HEPHL1: variants seen among roughly 807,000 people sequenced by gnomAD.
HEPHL1 encodes the protein hephaestin like 1, also known as ferroxidase HEPHL1.
A neutral mutation model predicts 122.0 loss-of-function variants in HEPHL1; 123 were observed. That is an observed-to-expected ratio of 1.01 (90% CI 0.87 to 1.17). The LOEUF is 1.17. HEPHL1 is among the 50% of genes most tolerant of loss of function. The pLI, the probability that HEPHL1 is intolerant of heterozygous loss-of-function variation, is 0.00. For missense variants in HEPHL1, 1,452 were observed against 1,430.5 expected, an observed-to-expected ratio of 1.01 and a Z score of -0.24; for synonymous variants, 527 against 508.9, an observed-to-expected ratio of 1.04 and a Z score of -0.48.
At chr11:94,060,407 C>T (rs1014798650) in intron 2 of HEPHL1, among the ~76,000 whole-genome samples, 2 of 151,708 alleles carry the variant, frequency 1.3e-5, no homozygotes, top group African/African-American at 2.4e-5. Context: ...AACTTAGGCA[C>T]ATGTTATAAA....
intron 1 of HEPHL1, among the ~76,000 whole-genome samples, chr11:94,044,349 T>C (rs537540642): frequency 1.3e-5 from 2 of 152,284 alleles, no homozygotes; most frequent in East Asian, 1.9e-4. Flanking sequence ...CTCATAACAG[T>C]GTCTCTGCCC....
At chr11:94,101,958 T>G (rs1018367524) in intron 14 of HEPHL1, among the ~76,000 whole-genome samples, 1 of 152,244 alleles carries the variant, frequency 6.6e-6, no homozygotes, top group Non-Finnish European at 1.5e-5. Context: ...AGTGAGAGTC[T>G]ACATTCACAT....
At chr11:94,078,230 T>C (rs1402528572) in intron 9 of HEPHL1, among the ~76,000 whole-genome samples, 1 of 152,038 alleles carries the variant, frequency 6.6e-6, no homozygotes. Flanking sequence ...TCTTAAACAT[T>C]GTGTGGCCTG....
At chr11:94,089,047 C>A in intron 12 of HEPHL1, 79 bp downstream of exon 12, 4 of 1,278,992 alleles carry the variant, frequency 3.1e-6, no homozygotes, top group South Asian at 1.2e-5. Flanking sequence ...TGGCTCCCTG[C>A]AAATTCCCAG....
intron 4 of HEPHL1, among the ~76,000 whole-genome samples, chr11:94,067,130 G>A (rs2134429576): frequency 6.6e-6 from 1 of 152,252 alleles, no homozygotes; most frequent in South Asian, 2.1e-4. Context: ...CACAGAATCT[G>A]GTGAAGACAG....
At chr11:94,057,135 C>G (rs1235249250) in intron 2 of HEPHL1, among the ~76,000 whole-genome samples, 1 of 152,108 alleles carries the variant, frequency 6.6e-6, no homozygotes, top group Non-Finnish European at 1.5e-5. Context: ...TATTGATGCT[C>G]CCTTGTACGT....
chr11:94,038,194 A>G (rs1449396632), intron 1 of HEPHL1, among the ~76,000 whole-genome samples: 2 of 151,092 alleles, frequency 1.3e-5, no homozygotes, highest in East Asian at 1.9e-4. Context: ...GAAATGAGCA[A>G]AGCCTCCAAG....
chr11:94,088,974 A>G lies in HEPHL1; in HGVS notation c.2294+6A>G, dbSNP rs1295080186. On this transcript the variant is annotated splice_donor_region_variant and intron_variant, in intron 12 of 19. Coordinates refer to ENST00000315765, the MANE Select transcript of HEPHL1 (RefSeq NM_001098672.2). ...GTGGACGCAAGAGGGGAAAGGTACCACAGGCGCCGCCGCTAGGGCTCCTCG... is the reference window on the plus strand; with the variant it reads ...GTGGACGCAAGAGGGGAAAGGTACCGCAGGCGCCGCCGCTAGGGCTCCTCG... 1.9e-6 allele frequency: 3 copies of G among 1,613,702 alleles called. No homozygotes were observed. The highest frequency in any genetic ancestry group is 2.5e-6 in the Non-Finnish European group (3 of 1,179,634).
chr11:94,111,491 C>A (rs1402658380), intron 18 of HEPHL1, 46 bp from the exon 19 acceptor site: 2 of 1,407,772 alleles, frequency 1.4e-6, no homozygotes, highest in African/African-American at 2.9e-5. Context: ...TGAAAAGAAT[C>A]CCCTTCTGTT....
chr11:94,106,660 A>G (rs1946411966), intron 17 of HEPHL1, among the ~76,000 whole-genome samples: 4 of 152,152 alleles, frequency 2.6e-5, no homozygotes, highest in African/African-American at 7.2e-5. Flanking sequence ...GCCTCAGGTG[A>G]GAGTTTTCTC....
chr11:94,099,865 C>T (rs772784428), intron 13 of HEPHL1, among the ~76,000 whole-genome samples: 8 of 152,178 alleles, frequency 5.3e-5, no homozygotes, highest in South Asian at 2.1e-4. Context: ...ATTGGAAAAG[C>T]GCAGTATTAG....
intron 2 of HEPHL1, among the ~76,000 whole-genome samples, chr11:94,051,400 C>A (rs1290228303): frequency 6.6e-6 from 1 of 152,028 alleles, no homozygotes; most frequent in East Asian, 1.9e-4. Context: ...TCTCTGATGA[C>A]CAATAATGTT....
chr11:94,023,876 T>C (rs1945602605), intron 1 of HEPHL1, among the ~76,000 whole-genome samples: 1 of 152,152 alleles, frequency 6.6e-6, no homozygotes, highest in Admixed American at 6.5e-5. Context: ...GTAGTTGTGG[T>C]AGGTGGCTCA....
chr11:94,072,094 T>G (rs1451952327), intron 6 of HEPHL1, among the ~76,000 whole-genome samples: 1 of 152,166 alleles, frequency 6.6e-6, no homozygotes, highest in African/African-American at 2.4e-5. Flanking sequence ...TGGAGATTAA[T>G]GTATTAAGTG....
intron 2 of HEPHL1, among the ~76,000 whole-genome samples, chr11:94,051,341 C>A (rs1945888237): frequency 2.0e-5 from 3 of 152,070 alleles, no homozygotes; most frequent in Admixed American, 6.5e-5. Context: ...GAATAAAAGT[C>A]ATTTTAACTG....
intron 13 of HEPHL1, among the ~76,000 whole-genome samples, chr11:94,095,389 C>G (rs541077538): frequency 6.6e-5 from 10 of 152,248 alleles, no homozygotes; most frequent in African/African-American, 2.4e-4. Flanking sequence ...GCTGTTTTGG[C>G]TACTACAGCC....
chr11:94,044,761 A>AC (rs1227747666), intron 1 of HEPHL1, among the ~76,000 whole-genome samples: 1 of 133,300 alleles, frequency 7.5e-6, no homozygotes, highest in Non-Finnish European at 1.6e-5. Flanking sequence ...CATTCTCCAA[A>AC]CCTTTTTTTT....
intron 8 of HEPHL1, among the ~76,000 whole-genome samples, chr11:94,074,860 A>G (rs551809599): frequency 5.9e-5 from 9 of 152,292 alleles, no homozygotes; most frequent in African/African-American, 2.2e-4. Context: ...AAAGCATTCC[A>G]ATGATATTTT....
At position 94,073,130 on chromosome 11, in the gene HEPHL1, AC is replaced by A. The variant is rs1946090929; in HGVS notation, c.1339del (p.Leu447SerfsTer24). On this transcript the variant is annotated frameshift_variant, in exon 7 of 20. Coordinates refer to ENST00000315765, the MANE Select transcript of HEPHL1 (RefSeq NM_001098672.2). LOFTEE classifies it high-confidence loss of function. ...ATGCAACTTTTACTAAAAGAAAGAG[AC>A]TCTCTGCTGAAGAAGCCCATCTTGG... ...VDATFTKRKR[L>X]SAEEAHLGIL... 5.0e-6 allele frequency: 8 copies of A among 1,612,796 alleles called. No individual in the cohort carries two copies. The African/African-American group carries it at 1.1e-4, about 22-fold the overall frequency.
Sources: allele counts gnomAD v4.1 joint callset (sites outside exome capture counted in the v4.1 genomes callset), GRCh38; gene constraint gnomAD v4.1.1; transcripts MANE v1.5; gene names NCBI Gene and HGNC (gene_info 2026-07-23, HGNC 2026-07-21).